Variants in ROR1 observed in about 807,000 individuals in gnomAD.
The protein encoded by ROR1 is inactive tyrosine-protein kinase transmembrane receptor ROR1.
ROR1 carries 19 observed loss-of-function variants against 78.8 expected under a neutral mutation model. That is an observed-to-expected ratio of 0.24 (90% CI 0.17 to 0.35). The LOEUF is 0.35. Among genes scored for constraint, ROR1 ranks in the 10% least tolerant of loss-of-function variants. The probability of loss-of-function intolerance (pLI) is 1.00; values close to 1 mark genes in which losing one functional copy is unlikely to be tolerated. For missense variants in ROR1, 917 were observed against 1,177.8 expected (o/e 0.78, Z 3.24); for synonymous variants, 386 against 433.6 (o/e 0.89, Z 1.36).
At chr1:64,124,758 C>CTT (rs1648655444) in intron 4 of ROR1, among the ~76,000 whole-genome samples, 1 of 152,172 alleles carries the variant, frequency 6.6e-6, no homozygotes, top group Non-Finnish European at 1.5e-5. Context: ...CTTCTGCATC[C>CTT]CAAGTGCTGG....
chr1:64,172,719 A>G (rs932668070), intron 8 of ROR1, among the ~76,000 whole-genome samples: 5 of 152,232 alleles, frequency 3.3e-5, no homozygotes, highest in African/African-American at 7.2e-5. Context: ...AAACAGATTT[A>G]TAACCCCTTA....
At chr1:63,918,001 G>A (rs904272909) in intron 1 of ROR1, among the ~76,000 whole-genome samples, 2 of 152,134 alleles carry the variant, frequency 1.3e-5, no homozygotes, top group Admixed American at 6.5e-5. Context: ...CCAGCTCTGG[G>A]GAGACAACTG....
intron 6 of ROR1, among the ~76,000 whole-genome samples, chr1:64,140,744 T>C (rs1340775002): frequency 1.3e-5 from 2 of 152,222 alleles, no homozygotes. Context: ...AAAACTCATA[T>C]GAGAATGTTT....
chr1:63,924,826 A>G (rs1645686182), intron 1 of ROR1, among the ~76,000 whole-genome samples: 1 of 151,476 alleles, frequency 6.6e-6, no homozygotes. Flanking sequence ...TCTCTAAAGG[A>G]GTGACATCTA....
rs1245456133 is a variant in ROR1 at position 64,049,770 on chromosome 1, C to G, written c.243C>G (p.Val81=). Residue 81 remains valine, a synonymous_variant, in exon 3 of 9, where the codon GTC becomes GTG. Transcript: ENST00000371079. ...LGQTAELHCK[V]SGNPPPTIRW... is the part of the protein sequence containing the mutation. Reference sequence around the variant, plus strand: ...AGACAGCAGAACTGCACTGCAAAGTCTCTGGGAATCCACCTCCCACCATCC... The same window carrying G: ...AGACAGCAGAACTGCACTGCAAAGTGTCTGGGAATCCACCTCCCACCATCC... The G allele has an allele frequency of 8.1e-6, 13 of 1,614,030 alleles. No homozygotes were observed. In the Admixed American group the frequency reaches 8.3e-5, roughly 10 times the overall value.
At chr1:63,939,325 A>G in intron 1 of ROR1, among the ~76,000 whole-genome samples, 1 of 152,188 alleles carries the variant, frequency 6.6e-6, no homozygotes, top group South Asian at 2.1e-4. Flanking sequence ...TGAGGGTCCT[A>G]GGTGATCCTA....
At chr1:63,895,136 T>C (rs1022660625) in intron 1 of ROR1, among the ~76,000 whole-genome samples, 1 of 152,314 alleles carries the variant, frequency 6.6e-6, no homozygotes, top group Middle Eastern at 3.4e-3. Context: ...TTTTTAGATA[T>C]AATTTTGTAA....
chr1:63,805,510 A>T (rs979056378), intron 1 of ROR1, among the ~76,000 whole-genome samples: 4 of 152,254 alleles, frequency 2.6e-5, no homozygotes, highest in African/African-American at 9.6e-5. Flanking sequence ...GATTGCTCCT[A>T]ATGCATCAAC....
chr1:63,845,304 A>G (rs1430345549), intron 1 of ROR1, among the ~76,000 whole-genome samples: 3 of 152,190 alleles, frequency 2.0e-5, no homozygotes, highest in East Asian at 1.9e-4. Context: ...CTCAGGGCCT[A>G]TTATTAAATG....
chr1:64,101,136 G>A (rs147997450), intron 4 of ROR1, among the ~76,000 whole-genome samples: 193 of 152,238 alleles, frequency 1.3e-3, no homozygotes, highest in Admixed American at 2.9e-3. Flanking sequence ...CTTCTACAAT[G>A]GTTCTAAAAA....
intron 1 of ROR1, among the ~76,000 whole-genome samples, chr1:63,977,109 AACTC>A (rs1646167797): frequency 1.3e-5 from 2 of 152,248 alleles, no homozygotes; most frequent in African/African-American, 4.8e-5. Flanking sequence ...ATCTCATGGG[AACTC>A]ACTCACTATC....
At chr1:64,146,916 T>C (rs1286502697) in intron 7 of ROR1, among the ~76,000 whole-genome samples, 2 of 152,200 alleles carry the variant, frequency 1.3e-5, no homozygotes, top group Non-Finnish European at 2.9e-5. Flanking sequence ...ATGATTAACA[T>C]ATTTCACTGA....
intron 1 of ROR1, among the ~76,000 whole-genome samples, chr1:63,778,921 C>A (rs916468231): frequency 2.6e-5 from 4 of 152,310 alleles, no homozygotes; most frequent in East Asian, 1.9e-4. Flanking sequence ...AATTTATATT[C>A]TTTTAATGTA....
rs565204971 is a variant in ROR1 at position 64,131,140 on chromosome 1, G to A, written c.483-6229G>A. Among the ~76,000 whole-genome samples the A allele has an allele frequency of 1.3e-4, 20 of 152,246 alleles. 1 individual carries two copies. The highest frequency in any genetic ancestry group is 4.1e-4 in the South Asian group (2 of 4,826). On this transcript the variant is annotated intron_variant, in intron 4 of 8. Transcript: ENST00000371079. ...TGCTCACTGAGCAAACCTATGGACCGTCCATCTCTTTGAGCTGTGTGATGA... is the reference window on the plus strand; with the variant it reads ...TGCTCACTGAGCAAACCTATGGACCATCCATCTCTTTGAGCTGTGTGATGA...
intron 1 of ROR1, among the ~76,000 whole-genome samples, chr1:63,859,414 T>A (rs2100342045): frequency 6.6e-6 from 1 of 152,304 alleles, no homozygotes; most frequent in South Asian, 2.1e-4. Context: ...CTTGAGTTTT[T>A]AAAATTTAAT....
At position 64,058,395 on chromosome 1, in the gene ROR1, G is replaced by GT. The variant is rs1042844288; in HGVS notation, c.482+7689dup. ...TAGAAGTGGTGAGAGTGGACATCCT[G>GT]TTTTTTTTTTACCTTATCTTTAGTG... On this transcript the variant is annotated intron_variant, in intron 4 of 8. Coordinates refer to ENST00000371079, the MANE Select transcript of ROR1 (RefSeq NM_005012.4). 4.1e-3 allele frequency among the ~76,000 whole-genome samples: 600 copies of GT among 147,000 alleles called. 6 individuals carry two copies. The highest frequency in any genetic ancestry group is 0.023 in the East Asian group (118 of 5,058).
At chr1:63,998,239 A>C (rs921612616) in intron 1 of ROR1, among the ~76,000 whole-genome samples, 1 of 152,182 alleles carries the variant, frequency 6.6e-6, no homozygotes, top group African/African-American at 2.4e-5. Context: ...CCAAAGGAAC[A>C]TAAAATTAAG....
chr1:63,984,532 T>C lies in ROR1; in HGVS notation c.92-24773T>C, dbSNP rs1024442854. ...CTAATTGCACATTAGATACTAGTCC[T>C]GTAAATGTTATTAGGCTGTGCAAGC... On this transcript the variant is annotated intron_variant, in intron 1 of 8. Transcript: ENST00000371079. 2.6e-5 allele frequency among the ~76,000 whole-genome samples: 4 copies of C among 152,338 alleles called. No homozygotes were observed. In the East Asian group the frequency reaches 5.8e-4, roughly 22 times the overall value.
intron 4 of ROR1, among the ~76,000 whole-genome samples, chr1:64,119,013 G>C (rs72685195): frequency 0.11 from 17,464 of 152,198 alleles, 1,071 homozygotes; most frequent in Non-Finnish European, 0.13. Flanking sequence ...GGTCATCTCT[G>C]GCTGGCGTAA....
Sources: allele counts gnomAD v4.1 joint callset (sites outside exome capture counted in the v4.1 genomes callset), GRCh38; gene constraint gnomAD v4.1.1; transcripts MANE v1.5; gene names NCBI Gene and HGNC (gene_info 2026-07-23, HGNC 2026-07-21).